The following DPYD variants were observed in gnomAD, a reference collection of about 807,000 sequenced individuals.
DPYD encodes the protein dihydropyrimidine dehydrogenase, also known as dihydropyrimidine dehydrogenase [NADP(+)].
In DPYD, 109 loss-of-function variants were observed where a neutral mutation model predicts 116.2. That is an observed-to-expected ratio of 0.94 (90% CI 0.80 to 1.10). The LOEUF is 1.10. DPYD is among the 50% of genes least tolerant of loss of function. The pLI is 0.00. For missense variants in DPYD, 1,302 were observed against 1,254.5 expected, an observed-to-expected ratio of 1.04 and a Z score of -0.57; for synonymous variants, 440 against 432.0, an observed-to-expected ratio of 1.02 and a Z score of -0.23.
intron 1 of DPYD, among the ~76,000 whole-genome samples, chr1:97,907,288 T>A (rs965183136): frequency 1.3e-5 from 2 of 152,128 alleles, no homozygotes; most frequent in African/African-American, 4.8e-5. Flanking sequence ...TAAAAAATTA[T>A]CTACCTGGTT....
chr1:97,844,218 T>C (rs551561821), intron 2 of DPYD, among the ~76,000 whole-genome samples: 1 of 152,320 alleles, frequency 6.6e-6, no homozygotes, highest in East Asian at 1.9e-4. Context: ...TGCAATATAA[T>C]AAAAAATACA....
intron 15 of DPYD, among the ~76,000 whole-genome samples, chr1:97,382,165 T>C (rs953712717): frequency 6.6e-6 from 1 of 152,176 alleles, no homozygotes; most frequent in Non-Finnish European, 1.5e-5. Flanking sequence ...TTTTAGGTAG[T>C]GTGTGAAATC....
At chr1:97,874,597 C>T (rs565043617) in intron 2 of DPYD, among the ~76,000 whole-genome samples, 8 of 151,936 alleles carry the variant, frequency 5.3e-5, no homozygotes, top group Admixed American at 4.6e-4. Context: ...AGAGGAATTG[C>T]TTTTTATTCT....
chr1:97,095,207 C>T (rs1570444504), intron 21 of DPYD, among the ~76,000 whole-genome samples: 2 of 152,012 alleles, frequency 1.3e-5, no homozygotes, highest in Non-Finnish European at 2.9e-5. Context: ...TAGAGATTGA[C>T]CATCCTTATT....
At chr1:97,546,285 AC>A (rs1650853593) in intron 12 of DPYD, 5 of 1,437,086 alleles carry the variant, frequency 3.5e-6, no homozygotes, top group Non-Finnish European at 4.8e-6. Flanking sequence ...AAAAAAAAAA[AC>A]CTGCACCTGT....
chr1:97,185,537 G>A (rs1657936077), intron 20 of DPYD, among the ~76,000 whole-genome samples: 1 of 152,010 alleles, frequency 6.6e-6, no homozygotes, highest in Non-Finnish European at 1.5e-5. Context: ...TATGTTTATA[G>A]CAAAAATATT....
intron 4 of DPYD, among the ~76,000 whole-genome samples, chr1:97,722,665 G>A (rs142774447): frequency 3.8e-4 from 58 of 151,650 alleles, no homozygotes; most frequent in African/African-American, 1.2e-3. Context: ...AAGCACAGAC[G>A]TTGCTTCCAT....
At chr1:97,316,422 G>A (rs1667846649) in intron 16 of DPYD, among the ~76,000 whole-genome samples, 1 of 151,660 alleles carries the variant, frequency 6.6e-6, no homozygotes, top group Admixed American at 6.6e-5. Flanking sequence ...GCTGAGGAAT[G>A]AGAATCCTTT....
intron 13 of DPYD, among the ~76,000 whole-genome samples, chr1:97,492,541 C>G (rs1253342237): frequency 4.6e-5 from 7 of 152,124 alleles, no homozygotes; most frequent in Non-Finnish European, 1.5e-5. Flanking sequence ...TATTGACGTT[C>G]CACGTATGCA....
chr1:97,527,794 G>GAAAAA (rs35111926), intron 12 of DPYD, among the ~76,000 whole-genome samples: 3 of 112,758 alleles, frequency 2.7e-5, no homozygotes, highest in African/African-American at 6.8e-5. Flanking sequence ...ATGAAATTTG[G>GAAAAA]AAAAAAAAAA....
At chr1:97,411,843 G>A (rs1312916550) in intron 14 of DPYD, among the ~76,000 whole-genome samples, 2 of 152,160 alleles carry the variant, frequency 1.3e-5, no homozygotes, top group Admixed American at 1.3e-4. Flanking sequence ...CATAATGAAT[G>A]TGTTGGCATT....
intron 19 of DPYD, among the ~76,000 whole-genome samples, chr1:97,200,298 T>C (rs765257139): frequency 1.3e-5 from 2 of 152,196 alleles, no homozygotes; most frequent in African/African-American, 4.8e-5. Flanking sequence ...AAGTAAAATA[T>C]ATGCTTACAA....
At chr1:97,476,015 G>A (rs866532318) in intron 13 of DPYD, among the ~76,000 whole-genome samples, 3 of 152,186 alleles carry the variant, frequency 2.0e-5, no homozygotes, top group Non-Finnish European at 4.4e-5. Context: ...ACCCTGAGGG[G>A]AGTCATGGGC....
At chr1:97,386,091 T>G (rs1252845159) in intron 14 of DPYD, among the ~76,000 whole-genome samples, 4 of 151,966 alleles carry the variant, frequency 2.6e-5, no homozygotes, top group Non-Finnish European at 5.9e-5. Context: ...AGAGATACAT[T>G]ATGGTAAGCA....
At chr1:97,443,236 C>T (rs1381768138) in intron 14 of DPYD, among the ~76,000 whole-genome samples, 1 of 152,054 alleles carries the variant, frequency 6.6e-6, no homozygotes, top group Non-Finnish European at 1.5e-5. Flanking sequence ...ATGATATATT[C>T]TCTTTTTTTG....
intron 19 of DPYD, among the ~76,000 whole-genome samples, chr1:97,225,435 A>C (rs1036630644): frequency 6.6e-6 from 1 of 151,942 alleles, no homozygotes; most frequent in Non-Finnish European, 1.5e-5. Flanking sequence ...AAAGATATTT[A>C]CTCGGGTTCT....
chr1:97,323,569 ACGT>A, intron 16 of DPYD, among the ~76,000 whole-genome samples: 1 of 104,968 alleles, frequency 9.5e-6, no homozygotes, highest in Non-Finnish European at 2.0e-5. Flanking sequence ...GTATATATAC[ACGT>A]ATATATACAT....
chr1:97,786,532 T>TA (rs1667043005), intron 3 of DPYD, among the ~76,000 whole-genome samples: 3 of 152,222 alleles, frequency 2.0e-5, no homozygotes, highest in African/African-American at 7.2e-5. Context: ...GACCATCCAT[T>TA]CAATATTTAT....
intron 1 of DPYD, among the ~76,000 whole-genome samples, chr1:97,910,531 T>A (rs1456824415): frequency 4.6e-5 from 7 of 152,080 alleles, no homozygotes; most frequent in Non-Finnish European, 1.5e-5. Context: ...GTAATGTAAG[T>A]ATGATTTCTA....
Sources: allele counts gnomAD v4.1 joint callset (sites outside exome capture counted in the v4.1 genomes callset), GRCh38; gene constraint gnomAD v4.1.1; transcripts MANE v1.5; gene names NCBI Gene and HGNC (gene_info 2026-07-23, HGNC 2026-07-21).